The following NKAIN2 variants were observed in gnomAD, a reference collection of about 807,000 sequenced individuals.
The protein encoded by NKAIN2 is sodium/potassium transporting ATPase interacting 2.
A neutral mutation model predicts 32.6 loss-of-function variants in NKAIN2; 14 were observed. The ratio of observed to expected loss-of-function variants is 0.43; its 90% CI spans 0.28 to 0.67. NKAIN2 has a LOEUF of 0.67. Among genes scored for constraint, NKAIN2 ranks in the 30% least tolerant of loss-of-function variants. The pLI is 0.17. For synonymous variants in NKAIN2, 80 were observed against 87.2 expected (o/e 0.92, Z 0.46); for missense variants, 198 against 258.3 (o/e 0.77, Z 1.60).
At chr6:124,611,694 A>C (rs1465071165) in intron 3 of NKAIN2, among the ~76,000 whole-genome samples, 4 of 152,154 alleles carry the variant, frequency 2.6e-5, no homozygotes, top group Non-Finnish European at 5.9e-5. Flanking sequence ...ATTAGAATAA[A>C]ATAGTTGTTA....
intron 4 of NKAIN2, among the ~76,000 whole-genome samples, chr6:124,742,192 A>G (rs1777244901): frequency 1.3e-5 from 2 of 151,886 alleles, no homozygotes; most frequent in Non-Finnish European, 2.9e-5. Context: ...GTACCCAGAT[A>G]GAGGGTAAAA....
intron 2 of NKAIN2, among the ~76,000 whole-genome samples, chr6:124,292,360 G>A (rs1309990620): frequency 6.6e-6 from 1 of 152,002 alleles, no homozygotes; most frequent in Non-Finnish European, 1.5e-5. Flanking sequence ...TTCCTCTTCA[G>A]GCAATTGGTT....
chr6:124,225,713 A>G (rs1314991468), intron 1 of NKAIN2, among the ~76,000 whole-genome samples: 2 of 152,096 alleles, frequency 1.3e-5, no homozygotes, highest in South Asian at 2.1e-4. Flanking sequence ...TCAAATATGT[A>G]TAATATACCT....
intron 1 of NKAIN2, among the ~76,000 whole-genome samples, chr6:124,118,439 AT>A (rs770426671): frequency 4.6e-5 from 7 of 152,156 alleles, no homozygotes; most frequent in Non-Finnish European, 8.8e-5. Context: ...GAGAAAACAA[AT>A]GATTATAAGA....
intron 1 of NKAIN2, among the ~76,000 whole-genome samples, chr6:124,100,073 C>A (rs893300735): frequency 1.3e-5 from 2 of 152,152 alleles, no homozygotes; most frequent in African/African-American, 4.8e-5. Context: ...AGGAAATGTT[C>A]TCTTACATGT....
chr6:123,897,033 G>C (rs1361228891), intron 1 of NKAIN2, among the ~76,000 whole-genome samples: 1 of 152,078 alleles, frequency 6.6e-6, no homozygotes, highest in Non-Finnish European at 1.5e-5. Context: ...ACCTCTTGTT[G>C]TCCTTGATAT....
intron 1 of NKAIN2, among the ~76,000 whole-genome samples, chr6:124,245,423 G>A (rs1793344555): frequency 6.6e-6 from 1 of 151,964 alleles, no homozygotes; most frequent in African/African-American, 2.4e-5. Context: ...GGAATCCACA[G>A]GAGTGTTATA....
chr6:124,604,040 T>C (rs1391843554), intron 3 of NKAIN2, among the ~76,000 whole-genome samples: 4 of 152,052 alleles, frequency 2.6e-5, no homozygotes, highest in Non-Finnish European at 5.9e-5. Flanking sequence ...CAGTTTTCTT[T>C]GAGAATCAAG....
chr6:123,932,406 CTTTTTTTTTTTTTTTT>C (rs57063550), intron 1 of NKAIN2, among the ~76,000 whole-genome samples: 29 of 104,428 alleles, frequency 2.8e-4, no homozygotes, highest in East Asian at 4.9e-4. Context: ...TTCTGTCTTT[CTTTTTTTTTTTTTTTT>C]TTTTTTTTTT....
chr6:124,596,946 G>A (rs1782116507), intron 3 of NKAIN2, among the ~76,000 whole-genome samples: 1 of 152,070 alleles, frequency 6.6e-6, no homozygotes, highest in Non-Finnish European at 1.5e-5. Context: ...TAAGTCCAAA[G>A]GCAGGAGAAG....
chr6:124,628,197 G>A (rs559989349), intron 3 of NKAIN2, among the ~76,000 whole-genome samples: 2 of 151,826 alleles, frequency 1.3e-5, no homozygotes, highest in South Asian at 2.1e-4. Context: ...GTTCCTTTAG[G>A]TTTAGTTAAC....
chr6:124,268,022 C>T (rs1481723660), intron 1 of NKAIN2, among the ~76,000 whole-genome samples: 1 of 152,138 alleles, frequency 6.6e-6, no homozygotes, highest in Admixed American at 6.6e-5. Context: ...GCTTAAACTT[C>T]ATTTTCATTT....
At chr6:123,871,358 C>T (rs1454553397) in intron 1 of NKAIN2, among the ~76,000 whole-genome samples, 1 of 152,154 alleles carries the variant, frequency 6.6e-6, no homozygotes, top group East Asian at 1.9e-4. Context: ...TATGTTCCAA[C>T]TTCAGTGTCC....
rs371461893 is a variant in NKAIN2, at chr6:124,606,789, T to C, written c.274-51397T>C. On this transcript the variant is annotated intron_variant, in intron 3 of 6. Coordinates refer to ENST00000368417, the MANE Select transcript of NKAIN2 (RefSeq NM_001040214.3). ...CATCGGTTTAGTAAATGAGTGAACT[T>C]GTCATCTGGATCACTCTGTTCACAT... 2.6e-5 allele frequency among the ~76,000 whole-genome samples: 4 copies of C among 152,264 alleles called. No homozygotes were observed. The East Asian group carries it at 5.8e-4, about 22-fold the overall frequency.
intron 1 of NKAIN2, among the ~76,000 whole-genome samples, chr6:123,880,570 A>G (rs1024740469): frequency 2.0e-5 from 3 of 152,218 alleles, no homozygotes; most frequent in African/African-American, 7.2e-5. Flanking sequence ...CTATTTCAAG[A>G]ACTGCGTATT....
intron 3 of NKAIN2, among the ~76,000 whole-genome samples, chr6:124,447,281 C>G (rs1188400302): frequency 6.6e-6 from 1 of 152,040 alleles, no homozygotes; most frequent in Non-Finnish European, 1.5e-5. Flanking sequence ...TAAGCTCCTT[C>G]AGGGCTTCTG....
At chr6:123,946,244 G>C (rs957537254) in intron 1 of NKAIN2, among the ~76,000 whole-genome samples, 1 of 152,056 alleles carries the variant, frequency 6.6e-6, no homozygotes, top group Admixed American at 6.6e-5. Flanking sequence ...CAGAATGAAC[G>C]TCTTCAATTT....
intron 4 of NKAIN2, among the ~76,000 whole-genome samples, chr6:124,661,238 A>G (rs893837725): frequency 6.6e-6 from 1 of 152,202 alleles, no homozygotes; most frequent in African/African-American, 2.4e-5. Context: ...TCTTAGCTCC[A>G]TGCAGTTTTG....
At chr6:124,244,997 T>C (rs1038823295) in intron 1 of NKAIN2, among the ~76,000 whole-genome samples, 93 of 152,250 alleles carry the variant, frequency 6.1e-4, no homozygotes, top group African/African-American at 1.9e-3. Flanking sequence ...TCCTAGTGCA[T>C]GTTGGCTCCA....
Sources: allele counts gnomAD v4.1 joint callset (sites outside exome capture counted in the v4.1 genomes callset), GRCh38; gene constraint gnomAD v4.1.1; transcripts MANE v1.5; gene names NCBI Gene and HGNC (gene_info 2026-07-23, HGNC 2026-07-21).